The following FAM227A variants were observed in gnomAD, a reference collection of about 807,000 sequenced individuals.
FAM227A encodes the protein family with sequence similarity 227 member A.
In FAM227A, 80 loss-of-function variants were observed where a neutral mutation model predicts 74.7. That is an observed-to-expected ratio of 1.07 (90% confidence interval 0.89 to 1.29). The LOEUF is 1.29. FAM227A is among the 50% of genes most tolerant of loss of function. The pLI is 0.00. For synonymous variants in FAM227A, 237 were observed against 241.8 expected (o/e 0.98, Z 0.19); for missense variants, 654 against 683.4 (o/e 0.96, Z 0.48).
intron 1 of FAM227A, among the ~76,000 whole-genome samples, chr22:38,651,556 T>A (rs1425544688): frequency 6.6e-6 from 1 of 152,024 alleles, no homozygotes; most frequent in Non-Finnish European, 1.5e-5. Context: ...GAGATGGGGT[T>A]TCACCATTTT....
chr22:38,591,982 T>C (rs2090947800), intron 15 of FAM227A, among the ~76,000 whole-genome samples: 1 of 151,544 alleles, frequency 6.6e-6, no homozygotes, highest in Non-Finnish European at 1.5e-5. Flanking sequence ...GGAGTCTTGC[T>C]CTGTCGCCCA....
At chr22:38,592,162 T>C (rs953062877) in intron 15 of FAM227A, among the ~76,000 whole-genome samples, 4 of 152,060 alleles carry the variant, frequency 2.6e-5, no homozygotes, top group Non-Finnish European at 4.4e-5. Flanking sequence ...TTAGCCAGGA[T>C]GGTCTCGATT....
At chr22:38,623,063 A>G in intron 10 of FAM227A, 109 bp downstream of exon 10, 1 of 740,176 alleles carries the variant, frequency 1.4e-6, no homozygotes, top group East Asian at 2.7e-5. Context: ...GGTACCCGAG[A>G]GAGAACTTGA....
intron 5 of FAM227A, among the ~76,000 whole-genome samples, chr22:38,637,314 T>C (rs2092027512): frequency 6.6e-6 from 1 of 152,208 alleles, no homozygotes; most frequent in African/African-American, 2.4e-5. Context: ...ACTGATTACT[T>C]CCAATTACTA....
At chr22:38,643,811 T>C (rs1603062492) in intron 3 of FAM227A, among the ~76,000 whole-genome samples, 1 of 152,038 alleles carries the variant, frequency 6.6e-6, no homozygotes, top group African/African-American at 2.4e-5. Flanking sequence ...TATTTGGCAC[T>C]AAAAAGAAAT....
At chr22:38,623,428 G>C (rs1045628081) in intron 9 of FAM227A, 149 bp from the exon 10 acceptor site, 1 of 563,084 alleles carries the variant, frequency 1.8e-6, no homozygotes, top group Admixed American at 3.0e-5. Context: ...TATTTAAAAA[G>C]AAATTAAAAA....
chr22:38,583,169 TA>T lies in FAM227A; in HGVS notation c.*2955del. On this transcript the variant is annotated 3_prime_UTR_variant, in exon 17 of 17. Transcript: ENST00000535113. ...CACACGTTCTGGTTTCAGAAGACTATACTTTTTTTTTTTTTTTTTTGAGATG... is the reference window on the plus strand; with the variant it reads ...CACACGTTCTGGTTTCAGAAGACTATCTTTTTTTTTTTTTTTTTTGAGATG... The T allele has an allele frequency of 2.4e-6, 1 of 423,570 alleles. No individual in the cohort carries two copies. The highest frequency in any genetic ancestry group is 3.9e-5 in the Admixed American group (1 of 25,948). The allele number at this position is 423,570 out of a possible 1,614,324, so 26.2% of individuals were successfully genotyped here.
Position 38,634,188 on chromosome 22 carries a change from C to T in FAM227A, c.519+2263G>A, listed in dbSNP as rs187144558. Among the ~76,000 whole-genome samples, 474 of 141,072 alleles carry T rather than the reference C, an allele frequency of 3.4e-3. 2 individuals carry two copies. The highest frequency in any genetic ancestry group is 5.2e-3 in the Non-Finnish European group (344 of 66,576). 92.5% of individuals were successfully genotyped at this position (141,072 alleles called of 152,430 possible). On this transcript the variant is annotated intron_variant, in intron 6 of 16. Coordinates refer to ENST00000535113, the MANE Select transcript of FAM227A (RefSeq NM_001013647.2). ...AGTGAGCTGAGACTGTGCAACAGCA[C>T]TCCAGCCTGGGAGACAGAGCAAGAC...
chr22:38,588,927 CAA>C (rs781041691), intron 16 of FAM227A, among the ~76,000 whole-genome samples: 18 of 61,444 alleles, frequency 2.9e-4, no homozygotes, highest in Admixed American at 5.9e-4. Context: ...GACTCCATCT[CAA>C]AAAAAAAAAA....
At chr22:38,590,279 C>CAAAAAA (rs71197120) in intron 16 of FAM227A, among the ~76,000 whole-genome samples, 4 of 57,974 alleles carry the variant, frequency 6.9e-5, no homozygotes, top group South Asian at 6.3e-4. Flanking sequence ...GACTCCATCT[C>CAAAAAA]AAAAAAAAAA....
At chr22:38,647,443 G>A (rs2092259314) in intron 2 of FAM227A, among the ~76,000 whole-genome samples, 1 of 150,648 alleles carries the variant, frequency 6.6e-6, no homozygotes. Context: ...CAGCCTGAGT[G>A]ACAAAAAAAA....
At chr22:38,615,769 A>G (rs539456813) in intron 11 of FAM227A, among the ~76,000 whole-genome samples, 3 of 152,300 alleles carry the variant, frequency 2.0e-5, no homozygotes, top group Admixed American at 6.5e-5. Context: ...CATCTGATGT[A>G]TATCTGTAAA....
rs565815319 is a variant in FAM227A at position 38,607,049 on chromosome 22, C to T, written c.1126+340G>A. 1.0e-3 allele frequency among the ~76,000 whole-genome samples: 152 copies of T among 152,074 alleles called. 1 individual carries two copies. The highest frequency in any genetic ancestry group is 3.4e-3 in the Middle Eastern group (1 of 292). ...AAAATTAGCCAGGCGTGGTAGCGCA[C>T]GCCTGTAGTCCCAGCTACTTGGGAG... On this transcript the variant is annotated intron_variant, in intron 12 of 16. Transcript: ENST00000535113.
chr22:38,655,148 A>G (rs1237299523), intron 1 of FAM227A, among the ~76,000 whole-genome samples: 1 of 151,830 alleles, frequency 6.6e-6, no homozygotes, highest in Non-Finnish European at 1.5e-5. Flanking sequence ...TCGAAAAAAA[A>G]AAAAAGTAAA....
intron 6 of FAM227A, among the ~76,000 whole-genome samples, chr22:38,630,162 C>T (rs921114113): frequency 1.4e-5 from 2 of 138,120 alleles, no homozygotes; most frequent in African/African-American, 2.7e-5. Context: ...CTTCTTTACC[C>T]GCACTCACAC....
intron 6 of FAM227A, among the ~76,000 whole-genome samples, chr22:38,633,350 G>A (rs1372988683): frequency 6.6e-6 from 1 of 152,026 alleles, no homozygotes; most frequent in African/African-American, 2.4e-5. Context: ...CCTCAAAAAT[G>A]GGGCATTAAA....
At chr22:38,586,349 C>A (rs1022016590) in intron 16 of FAM227A, 150 bp from the exon 17 acceptor site, 2 of 841,890 alleles carry the variant, frequency 2.4e-6, no homozygotes, top group African/African-American at 1.7e-5. Context: ...AGAAAGTGGT[C>A]GAGCAGGACA....
rs201896315 is a variant in FAM227A at position 38,620,458 on chromosome 22, T to TAA, written c.959-168_959-167insTT. On this transcript the variant is annotated intron_variant, in intron 10 of 16. Transcript: ENST00000535113. ...GCAAGTTACCTAACCCTGGTCCTGT[T>TAA]AGACTGTGAACACTATCTCCCTCTA... Among the ~76,000 whole-genome samples the TAA allele has an allele frequency of 9.5e-4, 144 of 152,270 alleles. 1 individual carries two copies. The East Asian group carries it at 0.021, about 22-fold the overall frequency.
In FAM227A at chr22:38,597,342, G is replaced by T. The variant is rs1447856978; in HGVS notation, c.1394C>A (p.Thr465Lys). The T allele has an allele frequency of 6.4e-7, 1 of 1,551,796 alleles. No individual in the cohort carries two copies. Among genetic ancestry groups the T allele is most frequent in the Admixed American group, 2.0e-5 (1 of 50,994 alleles). Residue 465 changes from threonine (T) to lysine (K), a missense_variant, in exon 15 of 17, where the codon ACG becomes AAG. Coordinates refer to ENST00000535113, the MANE Select transcript of FAM227A (RefSeq NM_001013647.2). ...GGTCTCGCTGATGACATCAGTATAC[G>T]TTGGGGTGCAGTCAGTGGCTTCCGC... is the stretch of plus-strand genomic sequence containing the variant. The part of the protein sequence containing the change: ...KTTSTPDCTP[T>K]YTDVISETLC...
Sources: gnomAD v4.1 joint callset for allele counts (sites outside exome capture counted in the v4.1 genomes callset) on GRCh38, gnomAD v4.1.1 for gene constraint, MANE v1.5 for transcripts, NCBI Gene and HGNC (gene_info 2026-07-23, HGNC 2026-07-21) for gene names.